Variants in SPTBN5 observed in about 807,000 individuals in gnomAD.
The protein encoded by SPTBN5 is spectrin beta chain, non-erythrocytic 5.
A neutral mutation model predicts 477.6 loss-of-function variants in SPTBN5; 513 were observed. That is an observed-to-expected ratio of 1.07 (90% CI 1.00 to 1.16). The LOEUF is 1.16. Ranked by LOEUF, SPTBN5 falls within the 50% of genes most tolerant of loss-of-function variation. SPTBN5 has a pLI of 0.00. For missense variants in SPTBN5, 5,062 were observed against 4,731.8 expected (o/e 1.07, Z -2.05); for synonymous variants, 2,169 against 2,011.7 (o/e 1.08, Z -2.09).
Position 41,862,162 on chromosome 15 carries a change from G to A in SPTBN5, c.7516C>T (p.Arg2506Trp), listed in dbSNP as rs200151429. ...TCCTGATGCTCTTCTAACATACGCC[G>A]GGCTTCCACAGGGCTGCGAGGAGCG... ...SPAPRSPVEA[R>W]RMLEEHQECK... Residue 2506 changes from arginine to tryptophan, a missense_variant, in exon 44 of 68, where the codon CGG (arginine) becomes TGG (tryptophan). Coordinates refer to ENST00000320955, the MANE Select transcript of SPTBN5 (RefSeq NM_016642.4). 298 of 1,598,904 alleles carry A rather than the reference G, an allele frequency of 1.9e-4. No homozygotes were observed. The African/African-American group carries it at 2.8e-3, about 15-fold the overall frequency.
rs373519127 is a variant in SPTBN5, at chr15:41,857,479, G to A, written c.8380C>T (p.Arg2794Trp). 123 of 1,608,022 alleles carry A rather than the reference G, an allele frequency of 7.6e-5. No individual in the cohort carries two copies. Among genetic ancestry groups the A allele is most frequent in the Middle Eastern group, 1.7e-4 (1 of 6,050 alleles). The change falls in exon 51 of 68, where the codon CGG (arginine) becomes TGG (tryptophan). Residue 2794 changes from arginine (R) to tryptophan (W), a missense_variant. Arg to Trp is a moderately radical substitution (Grantham distance 101). Coordinates refer to ENST00000320955, the MANE Select transcript of SPTBN5 (RefSeq NM_016642.4). ...QKACEALRLR[R>W]SMEELENWLE... ...CAGTTCTCCAGTTCCTCCATGCTCC[G>A]CCGCAGACGCAGGGCCTAGGGTAGA...
chr15:41,856,177 C>T (rs1198293376), intron 53 of SPTBN5, among the ~76,000 whole-genome samples: 2 of 152,256 alleles, frequency 1.3e-5, no homozygotes, highest in Admixed American at 6.5e-5. Context: ...CTGGTTGAGA[C>T]CCACTGATCT....
Position 41,867,004 on chromosome 15 carries a change from C to T in SPTBN5, c.6435G>A (p.Leu2145=). 1.3e-6 allele frequency: 2 copies of T among 1,565,620 alleles called. No individual in the cohort carries two copies. Among genetic ancestry groups the T allele is most frequent in the Non-Finnish European group, 1.7e-6 (2 of 1,155,560 alleles). ...KELAESRGHA[L]HASLLMASFT... is the part of the protein sequence containing the mutation. ...AGCTGGCCATCAGCAGGGAGGCATG[C>T]AGGGCGTGTCCCCGGCTCTCCGCCA... The change falls in exon 36 of 68, where the codon CTG becomes CTA. Residue 2145 remains leucine (L), a synonymous_variant. Coordinates refer to ENST00000320955, the MANE Select transcript of SPTBN5 (RefSeq NM_016642.4).
intron 41 of SPTBN5, 135 bp downstream of exon 41, chr15:41,863,569 G>A (rs1450773813): frequency 3.0e-6 from 2 of 677,834 alleles, no homozygotes; most frequent in Non-Finnish European, 5.1e-6. Flanking sequence ...GCAGACTGCT[G>A]GGACCCACCT....
At position 41,848,248 on chromosome 15, in the gene SPTBN5, T is replaced by G; in HGVS notation, c.*368A>C. ...CTGGTACAGAGCTCGCTCATCAGTGTTCTTCCTCCGAAGAGCACATTCTCT... is the reference window on the plus strand; with the variant it reads ...CTGGTACAGAGCTCGCTCATCAGTGGTCTTCCTCCGAAGAGCACATTCTCT... On this transcript the variant is annotated 3_prime_UTR_variant, in exon 68 of 68. Coordinates refer to ENST00000320955, the MANE Select transcript of SPTBN5 (RefSeq NM_016642.4). 1 of 494,796 alleles carries G rather than the reference T, an allele frequency of 2.0e-6. No homozygotes were observed. The highest frequency in any genetic ancestry group is 3.7e-6 in the Non-Finnish European group (1 of 272,312). The allele number at this position is 494,796 out of a possible 1,614,324, so 30.7% of individuals were successfully genotyped here.
At chr15:41,876,750 C>T (rs1051179521) in intron 19 of SPTBN5, 59 bp downstream of exon 19, 21 of 1,607,218 alleles carry the variant, frequency 1.3e-5, no homozygotes, top group Middle Eastern at 1.9e-4. Flanking sequence ...CTAGGGCGGC[C>T]GTCTGTGCAG....
intron 14 of SPTBN5, 67 bp downstream of exon 14, chr15:41,880,093 C>A: frequency 6.6e-7 from 1 of 1,508,898 alleles, no homozygotes; most frequent in South Asian, 1.4e-5. Flanking sequence ...AAAACTGAGT[C>A]ACAGCAGCAG....
chr15:41,849,836 C>G, intron 67 of SPTBN5, 33 bp downstream of exon 67: 2 of 1,525,718 alleles, frequency 1.3e-6, no homozygotes, highest in Non-Finnish European at 8.9e-7. Flanking sequence ...GCCCAGGGCT[C>G]CCCGCCCTGC....
intron 38 of SPTBN5, 23 bp downstream of exon 38, chr15:41,866,015 C>A: frequency 6.5e-7 from 1 of 1,549,556 alleles, no homozygotes; most frequent in South Asian, 1.2e-5. Flanking sequence ...CATCTCTCAG[C>A]CCCCACCCAG....
intron 7 of SPTBN5, among the ~76,000 whole-genome samples, chr15:41,884,060 A>T (rs909821347): frequency 3.9e-5 from 6 of 152,168 alleles, no homozygotes; most frequent in African/African-American, 1.4e-4. Flanking sequence ...ATCTCGGCTC[A>T]CTGCCAGCTC....
chr15:41,893,137 G>A (rs1030193614), intron 2 of SPTBN5, 76 bp from the exon 3 acceptor site: 10 of 1,571,872 alleles, frequency 6.4e-6, no homozygotes, highest in African/African-American at 2.7e-5. Context: ...TGAGAGGTAC[G>A]ACCCAGAGCA....
Position 41,852,195 on chromosome 15 carries a change from G to T in SPTBN5, c.10571C>A (p.Thr3524Lys). 6.3e-7 allele frequency: 1 copy of T among 1,596,462 alleles called. No individual in the cohort carries two copies. The highest frequency in any genetic ancestry group is 1.7e-5 in the Admixed American group (1 of 58,992). The change falls in exon 62 of 68, where the codon ACG (threonine) becomes AAG (lysine). Residue 3524 changes from threonine to lysine, a missense_variant. By Grantham distance (78) the Thr-to-Lys change is moderately conservative. Coordinates refer to ENST00000320955, the MANE Select transcript of SPTBN5 (RefSeq NM_016642.4). ...HQGLGAQLAE[T>K]RDPQDAKGTP... The stretch of plus-strand genomic sequence containing the variant: ...AGGGACACCTGCCTGGGGGTCCCTC[G>T]TCTCAGCCAGCTGTGCTCCTAGCCC...
rs1463576073 is a variant in SPTBN5, at chr15:41,868,376, G to A, written c.6057+22C>T. On this transcript the variant is annotated intron_variant, in intron 33 of 67. Transcript: ENST00000320955. Reference sequence around the variant, plus strand: ...GGCTTGGTCAGCTAGGGTATGTGGGGGCACCAGGGGAGGGGGCCCACCTCC... The same window carrying A: ...GGCTTGGTCAGCTAGGGTATGTGGGAGCACCAGGGGAGGGGGCCCACCTCC... 2.5e-6 allele frequency: 4 copies of A among 1,590,582 alleles called. No individual in the cohort carries two copies. In the South Asian group the frequency reaches 3.3e-5, roughly 13 times the overall value.
chr15:41,865,918 G>A lies in SPTBN5; in HGVS notation c.6823-15C>T. 1.9e-6 allele frequency: 3 copies of A among 1,560,814 alleles called. No individual in the cohort carries two copies. The highest frequency in any genetic ancestry group is 2.6e-6 in the Non-Finnish European group (3 of 1,152,512). ...ATCTTCACCTCCTGTGAAGGCCGAG[G>A]GTGGGGAGGGAGCGCTGTGAGCACC... On this transcript the variant is annotated splice_polypyrimidine_tract_variant and intron_variant, in intron 38 of 67. Coordinates refer to ENST00000320955, the MANE Select transcript of SPTBN5 (RefSeq NM_016642.4).
At chr15:41,851,433 C>T in intron 63 of SPTBN5, 64 bp from the exon 64 acceptor site, 21 of 1,189,192 alleles carry the variant, frequency 1.8e-5, no homozygotes, top group Non-Finnish European at 2.4e-5. Context: ...AGGGCCTGTC[C>T]ACGCCTCACC....
chr15:41,854,330 C>G, intron 56 of SPTBN5, 125 bp from the exon 57 acceptor site: 1 of 1,211,050 alleles, frequency 8.3e-7, no homozygotes, highest in Admixed American at 2.5e-5. Context: ...TGATGTGTCC[C>G]CAGGTACAGA....
intron 63 of SPTBN5, among the ~76,000 whole-genome samples, 156 bp from the exon 64 acceptor site, chr15:41,851,525 C>T (rs1010660326): frequency 8.9e-5 from 11 of 123,614 alleles, no homozygotes; most frequent in East Asian, 5.3e-4. Context: ...GGGGCTCTGA[C>T]GGGAAACCAA....
intron 39 of SPTBN5, among the ~76,000 whole-genome samples, chr15:41,864,691 T>G (rs1296673681): frequency 6.6e-6 from 1 of 152,216 alleles, no homozygotes; most frequent in East Asian, 1.9e-4. Flanking sequence ...AACAGTGAGC[T>G]CTGGCTTCCT....
chr15:41,875,145 G>C, intron 22 of SPTBN5, 89 bp from the exon 23 acceptor site: 2 of 1,269,598 alleles, frequency 1.6e-6, no homozygotes, highest in South Asian at 2.8e-5. Flanking sequence ...GGACTTTTAG[G>C]ACCAGATTCA....
Sources: gnomAD v4.1 joint callset for allele counts (sites outside exome capture counted in the v4.1 genomes callset) on GRCh38, gnomAD v4.1.1 for gene constraint, MANE v1.5 for transcripts, NCBI Gene and HGNC (gene_info 2026-07-23, HGNC 2026-07-21) for gene names.